KIF13B: variants seen among roughly 807,000 people sequenced by gnomAD.
KIF13B encodes the protein kinesin family member 13B.
KIF13B carries 127 observed loss-of-function variants against 222.0 expected under a neutral mutation model. The observed-to-expected ratio is 0.57, with a 90% CI of 0.50 to 0.66. The LOEUF is 0.66. Among genes scored for constraint, KIF13B ranks in the 30% least tolerant of loss-of-function variants. The pLI, the probability that KIF13B is intolerant of heterozygous loss-of-function variation, is 0.00. For synonymous variants in KIF13B, 976 were observed against 919.0 expected, an observed-to-expected ratio of 1.06 and a Z score of -1.12; for missense variants, 2,173 against 2,379.0, an observed-to-expected ratio of 0.91 and a Z score of 1.80.
chr8:29,093,497 T>C (rs960939979), intron 36 of KIF13B, among the ~76,000 whole-genome samples: 11 of 152,148 alleles, frequency 7.2e-5, no homozygotes, highest in African/African-American at 2.2e-4. Context: ...TTCTTCCCCC[T>C]ATTAATTTAT....
chr8:29,076,326 G>T (rs538590766), intron 37 of KIF13B, among the ~76,000 whole-genome samples: 1 of 152,342 alleles, frequency 6.6e-6, no homozygotes, highest in East Asian at 1.9e-4. Context: ...CGCGGGTAGG[G>T]CTTCTTTCTT....
intron 1 of KIF13B, among the ~76,000 whole-genome samples, chr8:29,259,878 C>G (rs1816619266): frequency 6.6e-6 from 1 of 152,158 alleles, no homozygotes; most frequent in African/African-American, 2.4e-5. Flanking sequence ...AGTTGTTTAG[C>G]TTTGCATCTC....
intron 2 of KIF13B, among the ~76,000 whole-genome samples, chr8:29,205,368 T>G (rs1309758057): frequency 6.6e-6 from 1 of 152,198 alleles, no homozygotes; most frequent in African/African-American, 2.4e-5. Context: ...CAGGTAGATC[T>G]GAACAACTAC....
chr8:29,241,235 CA>C (rs1815764536), intron 2 of KIF13B, among the ~76,000 whole-genome samples: 1 of 152,148 alleles, frequency 6.6e-6, no homozygotes, highest in Non-Finnish European at 1.5e-5. Context: ...ATGTCCAGAA[CA>C]GGCAAATCTC....
At chr8:29,144,022 A>T (rs1810941326) in intron 18 of KIF13B, among the ~76,000 whole-genome samples, 1 of 151,464 alleles carries the variant, frequency 6.6e-6, no homozygotes, top group Admixed American at 6.6e-5. Context: ...AGAACTTTTA[A>T]AAAACCACAA....
At position 29,092,744 on chromosome 8, in the gene KIF13B, C is replaced by A. The variant is rs754030590; in HGVS notation, c.4458+1G>T. 6.2e-7 allele frequency: 1 copy of A among 1,607,046 alleles called. No individual in the cohort carries two copies. The stretch of plus-strand genomic sequence containing the variant: ...ACAGCTGTTTTCTCGGTGCTTTTTA[C>A]CTGGTGTGCGAGGGGAGACGGCCGC... On this transcript the variant is annotated splice_donor_variant, in intron 37 of 39. Coordinates refer to ENST00000524189, the MANE Select transcript of KIF13B (RefSeq NM_015254.4). LOFTEE classifies it high-confidence loss of function.
intron 6 of KIF13B, among the ~76,000 whole-genome samples, chr8:29,185,434 T>C (rs1353867389): frequency 1.3e-5 from 2 of 152,246 alleles, no homozygotes; most frequent in African/African-American, 4.8e-5. Context: ...AGTTCTTGCA[T>C]AGTGCCTGGC....
chr8:29,104,831 C>G (rs991955191), intron 35 of KIF13B, among the ~76,000 whole-genome samples: 1 of 151,472 alleles, frequency 6.6e-6, no homozygotes, highest in Non-Finnish European at 1.5e-5. Flanking sequence ...GCAGGCTCCG[C>G]CCCCCGTGGT....
At chr8:29,160,918 G>C (rs1811749716) in intron 12 of KIF13B, 51 bp from the exon 13 acceptor site, 2 of 1,510,910 alleles carry the variant, frequency 1.3e-6, no homozygotes, top group Non-Finnish European at 1.8e-6. Context: ...GAGGCAGTGA[G>C]ATATCCAAGC....
intron 11 of KIF13B, among the ~76,000 whole-genome samples, chr8:29,166,474 G>A (rs750395220): frequency 1.3e-5 from 2 of 152,142 alleles, no homozygotes; most frequent in African/African-American, 4.8e-5. Context: ...CGAGGCGGGC[G>A]TATCACCTGA....
At chr8:29,158,727 G>T (rs975811661) in intron 13 of KIF13B, among the ~76,000 whole-genome samples, 2 of 152,122 alleles carry the variant, frequency 1.3e-5, no homozygotes, top group African/African-American at 2.4e-5. Flanking sequence ...CTTGCTGTGG[G>T]GTTAGCTTGG....
At chr8:29,233,296 C>T (rs995421617) in intron 2 of KIF13B, among the ~76,000 whole-genome samples, 2 of 152,136 alleles carry the variant, frequency 1.3e-5, no homozygotes, top group Admixed American at 6.5e-5. Flanking sequence ...TCCTTGCCAC[C>T]CTAACCCCAA....
At chr8:29,152,332 G>A (rs1811334594) in intron 14 of KIF13B, among the ~76,000 whole-genome samples, 1 of 152,190 alleles carries the variant, frequency 6.6e-6, no homozygotes, top group Non-Finnish European at 1.5e-5. Flanking sequence ...CAGGGTCGAA[G>A]AAAACTGATT....
At position 29,120,940 on chromosome 8, in the gene KIF13B, G is replaced by A. The variant is rs1809829586; in HGVS notation, c.3535+1651C>T. On this transcript the variant is annotated intron_variant, in intron 29 of 39. Coordinates refer to ENST00000524189, the MANE Select transcript of KIF13B (RefSeq NM_015254.4). ...TTTCTCTGATGGCCAGTGATGATGAGCATTTCTTCATGTGTTTTTTGGCTG... is the reference window on the plus strand; with the variant it reads ...TTTCTCTGATGGCCAGTGATGATGAACATTTCTTCATGTGTTTTTTGGCTG... 5.5e-5 allele frequency among the ~76,000 whole-genome samples: 3 copies of A among 54,694 alleles called. No individual in the cohort carries two copies. In the South Asian group the frequency reaches 3.7e-3, roughly 67 times the overall value. The allele number at this position is 54,694 out of a possible 152,430, so 35.9% of individuals were successfully genotyped here.
At chr8:29,108,214 G>C in intron 34 of KIF13B, 22 bp from the exon 35 acceptor site, 3 of 1,607,836 alleles carry the variant, frequency 1.9e-6, no homozygotes, top group Middle Eastern at 1.7e-4. Flanking sequence ...AGAAAGGGGG[G>C]TTAGTTATTT....
chr8:29,180,605 A>G (rs981217439), intron 7 of KIF13B, among the ~76,000 whole-genome samples: 2 of 152,236 alleles, frequency 1.3e-5, no homozygotes, highest in Non-Finnish European at 2.9e-5. Context: ...AAATTAGATT[A>G]TACAAATAAG....
At chr8:29,087,859 G>A (rs1191775123) in intron 37 of KIF13B, among the ~76,000 whole-genome samples, 1 of 151,780 alleles carries the variant, frequency 6.6e-6, no homozygotes, top group Non-Finnish European at 1.5e-5. Flanking sequence ...CTATCATCAC[G>A]CCACTGCACT....
chr8:29,085,705 C>CCT (rs1243079346), intron 37 of KIF13B, among the ~76,000 whole-genome samples: 13 of 48,768 alleles, frequency 2.7e-4, no homozygotes, highest in African/African-American at 9.9e-4. Context: ...AAATACTCTT[C>CCT]TTTTTTTTTT....
intron 2 of KIF13B, among the ~76,000 whole-genome samples, chr8:29,218,322 T>TA (rs529964194): frequency 7.0e-4 from 107 of 152,264 alleles, no homozygotes; most frequent in African/African-American, 2.5e-3. Context: ...ACAACCTGTC[T>TA]AAAAAAATAG....
Sources: allele counts gnomAD v4.1 joint callset (sites outside exome capture counted in the v4.1 genomes callset), GRCh38; gene constraint gnomAD v4.1.1; transcripts MANE v1.5; gene names NCBI Gene and HGNC (gene_info 2026-07-23, HGNC 2026-07-21).